The following MYO1D variants were observed in gnomAD, a reference collection of about 807,000 sequenced individuals.
The protein encoded by MYO1D is myosin ID, also known as unconventional myosin-Id.
In MYO1D, 83 loss-of-function variants were observed where a neutral mutation model predicts 122.0. The ratio of observed to expected loss-of-function variants is 0.68; its 90% CI spans 0.57 to 0.82. The LOEUF (loss-of-function observed/expected upper bound fraction) is 0.82. MYO1D is among the 40% of genes least tolerant of loss of function. MYO1D has a pLI of 0.00. For missense variants in MYO1D, 1,157 were observed against 1,269.5 expected (o/e 0.91, Z 1.35); for synonymous variants, 464 against 446.9 (o/e 1.04, Z -0.48).
intron 16 of MYO1D, among the ~76,000 whole-genome samples, chr17:32,664,044 G>A (rs1393001020): frequency 1.3e-5 from 2 of 152,148 alleles, no homozygotes; most frequent in East Asian, 3.8e-4. Flanking sequence ...CTGTGGGAAG[G>A]AAATTTTGTG....
intron 20 of MYO1D, among the ~76,000 whole-genome samples, chr17:32,613,238 A>G (rs529807557): frequency 1.3e-5 from 2 of 152,286 alleles, no homozygotes; most frequent in East Asian, 3.9e-4. Context: ...GGTAATTTCT[A>G]TCATACTTAA....
At chr17:32,710,443 C>A (rs1165965901) in intron 16 of MYO1D, among the ~76,000 whole-genome samples, 1 of 152,044 alleles carries the variant, frequency 6.6e-6, no homozygotes, top group African/African-American at 2.4e-5. Flanking sequence ...AAGGTGGATT[C>A]TAAATGAATT....
chr17:32,648,414 GAT>G (rs1309892897), intron 19 of MYO1D, among the ~76,000 whole-genome samples: 1 of 152,134 alleles, frequency 6.6e-6, no homozygotes, highest in Non-Finnish European at 1.5e-5. Context: ...CTTTTGTTAT[GAT>G]ATTTATTTAG....
chr17:32,822,499 G>GCA (rs369100763), intron 1 of MYO1D, among the ~76,000 whole-genome samples: 5,414 of 112,022 alleles, frequency 0.048, 318 homozygotes, highest in African/African-American at 0.13. Flanking sequence ...TCCCCGGTCG[G>GCA]CGCGCCGCTT....
At chr17:32,734,771 T>C (rs1332271030) in intron 14 of MYO1D, 1 of 152,166 alleles carries the variant, frequency 6.6e-6, no homozygotes, top group Non-Finnish European at 1.5e-5. Context: ...TATGCACTTC[T>C]TCAAAATAGT....
intron 1 of MYO1D, among the ~76,000 whole-genome samples, chr17:32,864,378 A>G (rs11656457): frequency 1.3e-5 from 2 of 152,060 alleles, no homozygotes; most frequent in South Asian, 4.1e-4. Flanking sequence ...AGCAAATGAC[A>G]CAAAGCTATA....
intron 19 of MYO1D, among the ~76,000 whole-genome samples, chr17:32,649,567 CTTTTT>C (rs35514290): frequency 1.1e-5 from 1 of 94,044 alleles, no homozygotes; most frequent in African/African-American, 4.4e-5. Flanking sequence ...TTCTTTCTTT[CTTTTT>C]TTTTTTTTTT....
At chr17:32,521,272 T>A (rs1555622158) in intron 21 of MYO1D, among the ~76,000 whole-genome samples, 1 of 152,002 alleles carries the variant, frequency 6.6e-6, no homozygotes, top group Non-Finnish European at 1.5e-5. Context: ...ACCAACCTAC[T>A]CCTTAGAAAC....
intron 15 of MYO1D, among the ~76,000 whole-genome samples, chr17:32,719,690 T>C (rs2089488133): frequency 6.6e-6 from 1 of 152,176 alleles, no homozygotes; most frequent in Non-Finnish European, 1.5e-5. Context: ...GCCACAGTGA[T>C]TCCTTTAAGA....
chr17:32,519,868 G>A (rs1443100183), intron 21 of MYO1D, among the ~76,000 whole-genome samples: 1 of 150,738 alleles, frequency 6.6e-6, no homozygotes, highest in Non-Finnish European at 1.5e-5. Flanking sequence ...ATTGAACAAT[G>A]GAGATGTGGG....
chr17:32,843,098 C>T (rs1038912408), intron 1 of MYO1D, among the ~76,000 whole-genome samples: 2 of 152,046 alleles, frequency 1.3e-5, no homozygotes, highest in African/African-American at 4.8e-5. Flanking sequence ...TCATATTGGT[C>T]AGGCTGGTCT....
chr17:32,535,597 A>C (rs1910639496), intron 21 of MYO1D, among the ~76,000 whole-genome samples: 1 of 152,204 alleles, frequency 6.6e-6, no homozygotes, highest in East Asian at 1.9e-4. Flanking sequence ...AACACACACA[A>C]AAAATTAGCT....
At position 32,741,920 on chromosome 17, in the gene MYO1D, C is replaced by T. The variant is rs528318345; in HGVS notation, c.1613+3291G>A. 3.3e-4 allele frequency among the ~76,000 whole-genome samples: 50 copies of T among 149,260 alleles called. 1 individual carries two copies. The highest frequency in any genetic ancestry group is 6.8e-3 in the Middle Eastern group (2 of 292). ...GTCCCAGCTACTCAGGAGGCTGAGG[C>T]AGGAGAATGGCATGAACCTGGGAGG... On this transcript the variant is annotated intron_variant, in intron 13 of 21. Coordinates refer to ENST00000318217, the MANE Select transcript of MYO1D (RefSeq NM_015194.3).
Position 32,795,911 on chromosome 17 carries a change from C to G in MYO1D, c.96-15127G>C, listed in dbSNP as rs539911096. Among the ~76,000 whole-genome samples, 48 of 152,172 alleles carry G rather than the reference C, an allele frequency of 3.2e-4. 1 individual carries two copies. The highest frequency in any genetic ancestry group is 6.8e-3 in the Middle Eastern group (2 of 294). On this transcript the variant is annotated intron_variant, in intron 1 of 21. Transcript: ENST00000318217. ...GAGGCCATTTTAGGCCTCAGCCCGC[C>G]TGCACCCAGGTGCTCATTAAAACAG...
At chr17:32,645,015 T>C (rs2088267332) in intron 19 of MYO1D, among the ~76,000 whole-genome samples, 1 of 152,280 alleles carries the variant, frequency 6.6e-6, no homozygotes, top group South Asian at 2.1e-4. Flanking sequence ...CATCGATGGC[T>C]TTTACAATTT....
intron 16 of MYO1D, among the ~76,000 whole-genome samples, chr17:32,694,040 T>A (rs1441976382): frequency 6.6e-6 from 1 of 152,234 alleles, no homozygotes; most frequent in African/African-American, 2.4e-5. Context: ...CCATAGTAAG[T>A]TCAGTGACTT....
intron 21 of MYO1D, among the ~76,000 whole-genome samples, chr17:32,584,626 G>A (rs1050173951): frequency 1.3e-5 from 2 of 151,698 alleles, no homozygotes; most frequent in Non-Finnish European, 2.9e-5. Context: ...TGGAGTAGCT[G>A]GTACTACAGG....
chr17:32,676,680 G>A (rs900077770), intron 16 of MYO1D, among the ~76,000 whole-genome samples: 3 of 152,056 alleles, frequency 2.0e-5, no homozygotes, highest in Admixed American at 1.3e-4. Flanking sequence ...GAAGGAAGAC[G>A]ACCCAAGAGA....
intron 21 of MYO1D, among the ~76,000 whole-genome samples, chr17:32,553,084 A>C (rs1252803933): frequency 1.0e-4 from 14 of 139,430 alleles, no homozygotes; most frequent in African/African-American, 3.0e-4. Context: ...AGACAAAAAA[A>C]AAAAAACAAA....
Sources: allele counts gnomAD v4.1 joint callset (sites outside exome capture counted in the v4.1 genomes callset), GRCh38; gene constraint gnomAD v4.1.1; transcripts MANE v1.5; gene names NCBI Gene and HGNC (gene_info 2026-07-23, HGNC 2026-07-21).